The following GRAMD4 variants were observed in gnomAD, a reference collection of about 807,000 sequenced individuals.
GRAMD4 encodes GRAM domain-containing protein 4.
Under a neutral mutation model 83.9 loss-of-function variants are expected in GRAMD4, and 25 were observed. The observed-to-expected ratio is 0.30, with a 90% confidence interval of 0.22 to 0.42. GRAMD4 has a LOEUF of 0.42. Among genes scored for constraint, GRAMD4 ranks in the 10% least tolerant of loss-of-function variants. The pLI, the probability that GRAMD4 is intolerant of heterozygous loss-of-function variation, is 1.00. For missense variants in GRAMD4, 593 were observed against 788.7 expected, an observed-to-expected ratio of 0.75 and a Z score of 2.97; for synonymous variants, 336 against 320.9, an observed-to-expected ratio of 1.05 and a Z score of -0.50.
intron 1 of GRAMD4, among the ~76,000 whole-genome samples, chr22:46,581,177 A>G (rs1164680413): frequency 6.6e-6 from 1 of 152,162 alleles, no homozygotes; most frequent in African/African-American, 2.4e-5. Context: ...GGTTGTGATT[A>G]TGTTTAAGCC....
At position 46,585,937 on chromosome 22, in the gene GRAMD4, C is replaced by T. The variant is rs1234248280; in HGVS notation, c.-50+8647C>T. Among the ~76,000 whole-genome samples the T allele has an allele frequency of 2.0e-5, 3 of 152,204 alleles. No homozygotes were observed. The East Asian group carries it at 5.8e-4, about 29-fold the overall frequency. On this transcript the variant is annotated intron_variant, in intron 1 of 1. Coordinates refer to the GRAMD4 transcript ENST00000431155. ...GCCTGCGGCTCCTCTGGGGCTAGGA[C>T]TGAGGTTCAGCCACGTCTTGGGTGC...
At chr22:46,633,348 G>A (rs899219879) in intron 2 of GRAMD4, among the ~76,000 whole-genome samples, 1 of 152,226 alleles carries the variant, frequency 6.6e-6, no homozygotes, top group Non-Finnish European at 1.5e-5. Context: ...GCTGTTTAAA[G>A]TGTGGCTCCC....
chr22:46,617,710 C>T (rs1474315118), upstream of GRAMD4, among the ~76,000 whole-genome samples: 2 of 152,144 alleles, frequency 1.3e-5, no homozygotes, highest in East Asian at 1.9e-4. Context: ...GGCCCCAGAG[C>T]GGGCCATACA....
Position 46,659,751 on chromosome 22 carries a change from G to T in GRAMD4, c.404+1444G>T, listed in dbSNP as rs1033218541. Among the ~76,000 whole-genome samples the T allele has an allele frequency of 6.6e-6, 1 of 152,094 alleles. No homozygotes were observed. Among genetic ancestry groups the T allele is most frequent in the African/African-American group, 2.4e-5 (1 of 41,408 alleles). On this transcript the variant is annotated intron_variant, in intron 4 of 18. Coordinates refer to ENST00000406902, the MANE Select transcript of GRAMD4 (RefSeq NM_015124.5). This position sits in a 1 kb window ranked among gnomAD's most constrained non-coding sequence, Gnocchi z 4.1. ...TCATGTGGGGGCATCCAGCTGGTGT[G>T]GGGGAGGGAGAGGCCTCACTTTCCT...
chr22:46,614,255 G>A (rs959670828), intron 1 of GRAMD4, among the ~76,000 whole-genome samples: 14 of 152,290 alleles, frequency 9.2e-5, no homozygotes, highest in African/African-American at 2.9e-4. Context: ...CTGGCATGGC[G>A]GGAGTGTGTG....
intron 1 of GRAMD4, among the ~76,000 whole-genome samples, chr22:46,589,053 G>A (rs996269051): frequency 6.6e-5 from 10 of 152,100 alleles, no homozygotes; most frequent in Admixed American, 3.3e-4. Context: ...CAGGTGCTTC[G>A]TCAGTACTGA....
chr22:46,677,617 G>A lies in GRAMD4; in HGVS notation c.*366G>A, dbSNP rs566168873. 6.1e-5 allele frequency: 62 copies of A among 1,020,864 alleles called. No individual in the cohort carries two copies. Among genetic ancestry groups the A allele is most frequent in the African/African-American group, 4.7e-4 (28 of 59,078 alleles). The allele number at this position is 1,020,864 out of a possible 1,614,324, so 63.2% of individuals were successfully genotyped here. A position where few individuals can be genotyped will look rare whatever the true frequency, so the allele number is the denominator to read the frequency against. On this transcript the variant is annotated 3_prime_UTR_variant, in exon 19 of 19. Transcript: ENST00000406902. ...TCTCCAGCCACCCCAAGAGGTTCTC[G>A]CAACCTTGTGTCCCGCTCTCCAGAG...
chr22:46,635,591 AGG>A (rs1569277606), intron 2 of GRAMD4, among the ~76,000 whole-genome samples: 2 of 4,382 alleles, frequency 4.6e-4, no homozygotes, highest in Non-Finnish European at 8.3e-4. Flanking sequence ...CTGTCCTGGG[AGG>A]CCGTGTCTTC....
chr22:46,580,446 G>A (rs919099272), intron 1 of GRAMD4, among the ~76,000 whole-genome samples: 1 of 152,260 alleles, frequency 6.6e-6, no homozygotes. Flanking sequence ...AAAAGTTCAA[G>A]TCTTCCACCG....
At chr22:46,598,464 G>C (rs1030690361) in intron 1 of GRAMD4, among the ~76,000 whole-genome samples, 3 of 152,130 alleles carry the variant, frequency 2.0e-5, no homozygotes, top group African/African-American at 7.2e-5. Context: ...CAAGCTGTAA[G>C]ACCTTGTCTA....
chr22:46,601,216 G>T (rs1246483477), intron 1 of GRAMD4, among the ~76,000 whole-genome samples: 1 of 152,120 alleles, frequency 6.6e-6, no homozygotes, highest in Non-Finnish European at 1.5e-5. Context: ...GCTCTCCTCG[G>T]GGTGTGATTT....
intron 5 of GRAMD4, among the ~76,000 whole-genome samples, chr22:46,662,720 C>T (rs569013571): frequency 1.1e-4 from 16 of 152,270 alleles, no homozygotes; most frequent in Non-Finnish European, 2.4e-4. Context: ...GGACAGGCTG[C>T]CCGCTGACGA....
In GRAMD4 at chr22:46,577,345, T is replaced by G. The variant is rs984326918; in HGVS notation, c.-50+55T>G. On this transcript the variant is annotated intron_variant, in intron 1 of 1. Transcript: ENST00000431155. ...CCCGACCTGGTTGCCCCGCGACCAC[T>G]CTCCCTTTTGGGCTGGCGGCTCGCG... The G allele has an allele frequency of 1.8e-5, 17 of 969,956 alleles. No individual in the cohort carries two copies. In the African/African-American group the frequency reaches 2.3e-4, roughly 13 times the overall value. The allele number at this position is 969,956 out of a possible 1,614,324, so 60.1% of individuals were successfully genotyped here. A position where few individuals can be genotyped will look rare whatever the true frequency, so the allele number is the denominator to read the frequency against.
chr22:46,594,539 A>G (rs2081242055), intron 1 of GRAMD4, among the ~76,000 whole-genome samples: 1 of 116,106 alleles, frequency 8.6e-6, no homozygotes. Context: ...CCCTTGGTAG[A>G]GGAAGGGGCA....
chr22:46,672,829 T>A lies in GRAMD4; in HGVS notation c.1085-14T>A. The A allele has an allele frequency of 3.1e-6, 5 of 1,603,822 alleles. No homozygotes were observed. Among genetic ancestry groups the A allele is most frequent in the Non-Finnish European group, 4.3e-6 (5 of 1,172,506 alleles). ...AGAGCTCTAGATGGAGCAGGCTGTG[T>A]CCCCTGCCCTCAGGACTCTATGCTG... On this transcript the variant is annotated splice_polypyrimidine_tract_variant and intron_variant, in intron 13 of 18. Transcript: ENST00000406902. This position sits in a 1 kb window ranked among gnomAD's most constrained non-coding sequence, Gnocchi z 4.7.
At chr22:46,601,732 G>A (rs1041050503) in intron 1 of GRAMD4, among the ~76,000 whole-genome samples, 2 of 152,222 alleles carry the variant, frequency 1.3e-5, no homozygotes, top group Admixed American at 1.3e-4. Flanking sequence ...GGAGTTTAAG[G>A]TTGCTGTGAG....
chr22:46,660,494 G>T (rs1379254680), intron 4 of GRAMD4, among the ~76,000 whole-genome samples: 1 of 152,068 alleles, frequency 6.6e-6, no homozygotes, highest in Admixed American at 6.5e-5. Flanking sequence ...ACACATGTGC[G>T]CACACACTGC....
At chr22:46,654,663 C>T (rs1297846298) in intron 3 of GRAMD4, among the ~76,000 whole-genome samples, 3 of 152,218 alleles carry the variant, frequency 2.0e-5, no homozygotes, top group Admixed American at 6.5e-5. Context: ...GTGCACGGCC[C>T]GCTGGTCAGC....
rs555096732 is a variant in GRAMD4 at position 46,597,274 on chromosome 22, A to G, written c.-50+19984A>G. 3.2e-4 allele frequency among the ~76,000 whole-genome samples: 49 copies of G among 152,128 alleles called. 1 individual carries two copies. In the South Asian group the frequency reaches 9.8e-3, roughly 30 times the overall value. On this transcript the variant is annotated intron_variant, in intron 1 of 1. Transcript: ENST00000431155. ...ACTGCTAAGCAAGGCTGTTTTAAAG[A>G]GGGTTTGTTTAAGTTGGATGTTTAG...
Sources: gnomAD v4.1 joint callset for allele counts (sites outside exome capture counted in the v4.1 genomes callset) on GRCh38, gnomAD v4.1.1 for gene constraint, Gnocchi (gnomAD v3.1) non-coding constraint, MANE v1.5 for transcripts, NCBI Gene and HGNC (gene_info 2026-07-23, HGNC 2026-07-21) for gene names.